USP44: variants seen among roughly 807,000 people sequenced by gnomAD.
USP44 encodes ubiquitin specific peptidase 44.
Under a neutral mutation model 69.0 loss-of-function variants are expected in USP44, and 61 were observed. The observed-to-expected ratio is 0.88, with a 90% CI of 0.72 to 1.09. USP44 has a LOEUF of 1.09. Ranked by LOEUF, USP44 falls within the 50% of genes least tolerant of loss-of-function variation. The pLI, the probability that USP44 is intolerant of heterozygous loss-of-function variation, is 0.00. For missense variants in USP44, 753 were observed against 849.9 expected, an observed-to-expected ratio of 0.89 and a Z score of 1.42; for synonymous variants, 297 against 295.4, an observed-to-expected ratio of 1.01 and a Z score of -0.06.
chr12:95,518,507 G>A (rs907023466), intron 5 of USP44, among the ~76,000 whole-genome samples, 154 bp from the exon 6 acceptor site: 1 of 152,170 alleles, frequency 6.6e-6, no homozygotes, highest in African/African-American at 2.4e-5. Flanking sequence ...TGTTACCCTG[G>A]AATTATCTAC....
intron 1 of USP44, among the ~76,000 whole-genome samples, chr12:95,535,100 G>A (rs2077158401): frequency 6.6e-6 from 1 of 152,148 alleles, no homozygotes; most frequent in Non-Finnish European, 1.5e-5. Context: ...GAGTTTTAAG[G>A]CAGAAAAACA....
At position 95,529,349 on chromosome 12, in the gene USP44, T is replaced by C. The variant is rs193064110; in HGVS notation, c.1429-347A>G. On this transcript the variant is annotated intron_variant, in intron 2 of 5. Transcript: ENST00000258499. ...ATATATCTATGTATACATAGATATATACATATGATGTACATTCACATGCAT... is the reference window on the plus strand; with the variant it reads ...ATATATCTATGTATACATAGATATACACATATGATGTACATTCACATGCAT... Among the ~76,000 whole-genome samples, 67 of 152,160 alleles carry C rather than the reference T, an allele frequency of 4.4e-4. No individual in the cohort carries two copies. The East Asian group carries it at 0.011, about 25-fold the overall frequency.
At position 95,521,078 on chromosome 12, in the gene USP44, CATAG is replaced by C; in HGVS notation, c.1854_1857del (p.Ile618MetfsTer7). On this transcript the variant is annotated frameshift_variant, in exon 5 of 6. Transcript: ENST00000258499. LOFTEE classifies it high-confidence loss of function. ...TGGTGCATCACCACCGCGGACAAGT[CATAG>C]ATAAAGCATTCTGGTCTGAGGGATT... 1 of 1,614,208 alleles carries C rather than the reference CATAG, an allele frequency of 6.2e-7. No homozygotes were observed. Among genetic ancestry groups the C allele is most frequent in the Non-Finnish European group, 8.5e-7 (1 of 1,180,054 alleles).
rs534196741 is a variant in USP44, at chr12:95,519,121, T to C, written c.1940-768A>G. On this transcript the variant is annotated intron_variant, in intron 5 of 5. Coordinates refer to ENST00000258499, the MANE Select transcript of USP44 (RefSeq NM_032147.5). Reference sequence around the variant, plus strand: ...GACTGCTTATATTAGCATATAAAAATCAGCCAGGAATTATGGTGATGCCAA... The same window carrying C: ...GACTGCTTATATTAGCATATAAAAACCAGCCAGGAATTATGGTGATGCCAA... Among the ~76,000 whole-genome samples, 3 of 152,250 alleles carry C rather than the reference T, an allele frequency of 2.0e-5. No individual in the cohort carries two copies. In the East Asian group the frequency reaches 5.8e-4, roughly 29 times the overall value.
intron 1 of USP44, among the ~76,000 whole-genome samples, chr12:95,539,857 G>A (rs190270628): frequency 2.8e-4 from 42 of 152,266 alleles, no homozygotes; most frequent in Admixed American, 2.3e-3. Flanking sequence ...TCTTATAAGG[G>A]ATTTTTAATC....
rs959092030 is a variant in USP44, at chr12:95,548,965, G to T, written c.-71+2307C>A. The T allele has an allele frequency of 2.0e-5, 3 of 151,864 alleles. No homozygotes were observed. The highest frequency in any genetic ancestry group is 2.9e-5 in the Non-Finnish European group (2 of 67,984). The allele number at this position is 151,864 out of a possible 1,614,324, so 9.4% of individuals were successfully genotyped here. ...CCGGTGGCCGCCTTCCGCGCCTCGTGGGGGGGTCGGGGCCACGGACGGTCC... is the reference window on the plus strand; with the variant it reads ...CCGGTGGCCGCCTTCCGCGCCTCGTTGGGGGGTCGGGGCCACGGACGGTCC... On this transcript the variant is annotated intron_variant, in intron 1 of 5. Coordinates refer to ENST00000258499, the MANE Select transcript of USP44 (RefSeq NM_032147.5). The surrounding 1 kb of genome is among the most constrained non-coding windows in gnomAD (Gnocchi z 4.1).
At chr12:95,530,049 C>T (rs1310162784) in intron 2 of USP44, among the ~76,000 whole-genome samples, 1 of 152,120 alleles carries the variant, frequency 6.6e-6, no homozygotes, top group African/African-American at 2.4e-5. Flanking sequence ...GGATTTAATG[C>T]CAACAAACAC....
chr12:95,536,551 T>TAGGA (rs2077211278), intron 1 of USP44, among the ~76,000 whole-genome samples: 1 of 152,150 alleles, frequency 6.6e-6, no homozygotes, highest in African/African-American at 2.4e-5. Context: ...AGAGTCATCC[T>TAGGA]TGACTCTCTC....
intron 3 of USP44, among the ~76,000 whole-genome samples, chr12:95,527,053 C>CCT (rs1469734846): frequency 6.6e-6 from 1 of 151,826 alleles, no homozygotes; most frequent in Non-Finnish European, 1.5e-5. Flanking sequence ...ATCCCTCACC[C>CCT]CTCCCACCCT....
rs1339543911 is a variant in USP44, at chr12:95,517,948, A to G, written c.*206T>C. 12 of 475,050 alleles carry G rather than the reference A, an allele frequency of 2.5e-5. No individual in the cohort carries two copies. The highest frequency in any genetic ancestry group is 3.6e-5 in the Non-Finnish European group (10 of 277,052). The allele number at this position is 475,050 out of a possible 1,614,324, so 29.4% of individuals were successfully genotyped here. On this transcript the variant is annotated 3_prime_UTR_variant, in exon 6 of 6. Coordinates refer to ENST00000258499, the MANE Select transcript of USP44 (RefSeq NM_032147.5). ...TAACATCAGTCTGAGGTAAACACCA[A>G]AAGTTTAAAACTCCAAATATGAAAA...
At chr12:95,550,102 C>A (rs969675169) in intron 1 of USP44, among the ~76,000 whole-genome samples, 3 of 150,700 alleles carry the variant, frequency 2.0e-5, no homozygotes, top group African/African-American at 7.3e-5. Context: ...TCGCTTGAAC[C>A]CAGGAGGCGG....
intron 3 of USP44, among the ~76,000 whole-genome samples, chr12:95,527,287 G>A (rs1315915818): frequency 6.6e-6 from 1 of 151,844 alleles, no homozygotes; most frequent in Non-Finnish European, 1.5e-5. Context: ...TAGAGATGGG[G>A]TTTCACCATG....
intron 1 of USP44, among the ~76,000 whole-genome samples, chr12:95,545,646 C>CT (rs900830955): frequency 2.6e-5 from 4 of 152,190 alleles, no homozygotes; most frequent in Non-Finnish European, 5.9e-5. Flanking sequence ...ATTCTGTCCT[C>CT]TTAAGAAATG....
intron 1 of USP44, among the ~76,000 whole-genome samples, chr12:95,534,787 T>G (rs890887565): frequency 6.6e-6 from 1 of 151,926 alleles, no homozygotes; most frequent in Non-Finnish European, 1.5e-5. Flanking sequence ...GTGATTGCTG[T>G]GCCTCAGCCT....
intron 1 of USP44, among the ~76,000 whole-genome samples, chr12:95,541,620 C>T (rs1315139006): frequency 6.6e-6 from 1 of 152,022 alleles, no homozygotes; most frequent in Non-Finnish European, 1.5e-5. Flanking sequence ...TATTCCGTTT[C>T]ATTTAAAAAA....
intron 4 of USP44, among the ~76,000 whole-genome samples, chr12:95,524,245 TAC>T (rs1170217317): frequency 1.3e-5 from 2 of 151,754 alleles, no homozygotes; most frequent in Non-Finnish European, 2.9e-5. Context: ...CATGCCCGGC[TAC>T]AGTTTTGTAT....
chr12:95,532,167 G>A (rs1178582051), intron 2 of USP44, among the ~76,000 whole-genome samples: 2 of 126,680 alleles, frequency 1.6e-5, no homozygotes, highest in Admixed American at 8.7e-5. Flanking sequence ...CTTTCTTTGG[G>A]TTTTTTTTTT....
intron 5 of USP44, among the ~76,000 whole-genome samples, chr12:95,518,737 A>G (rs2076554838): frequency 6.6e-6 from 1 of 152,094 alleles, no homozygotes; most frequent in Admixed American, 6.6e-5. Flanking sequence ...GCCAGGAGTT[A>G]GAGACCAGCC....
At chr12:95,549,593 C>T (rs2077686004) in intron 1 of USP44, among the ~76,000 whole-genome samples, 1 of 152,044 alleles carries the variant, frequency 6.6e-6, no homozygotes, top group South Asian at 2.1e-4. Context: ...CTTTGGCCAC[C>T]CTGTGGAGTG....
Sources: gnomAD v4.1 joint callset for allele counts (sites outside exome capture counted in the v4.1 genomes callset) on GRCh38, gnomAD v4.1.1 for gene constraint, Gnocchi (gnomAD v3.1) non-coding constraint, MANE v1.5 for transcripts, NCBI Gene and HGNC (gene_info 2026-07-23, HGNC 2026-07-21) for gene names.